Variants in FMN1 observed in about 807,000 individuals in gnomAD.
The protein encoded by FMN1 is formin 1, also known as formin-1.
A neutral mutation model predicts 132.4 loss-of-function variants in FMN1; 110 were observed. The observed-to-expected ratio is 0.83, with a 90% CI of 0.71 to 0.97. The LOEUF is 0.97. Ranked by LOEUF, FMN1 falls within the 50% of genes least tolerant of loss-of-function variation. The probability of loss-of-function intolerance (pLI) is 0.00; values close to 1 mark genes in which losing one functional copy is unlikely to be tolerated. For synonymous variants in FMN1, 722 were observed against 651.7 expected (o/e 1.11, Z -1.64); for missense variants, 1,792 against 1,705.3 (o/e 1.05, Z -0.90).
rs138638842 is a variant in FMN1 at position 32,950,783 on chromosome 15, C to A, written c.3138+13324G>T. Reference sequence around the variant, plus strand: ...TGACGAAATAATCTATGCAACAAACCCCCATGACACAACTTTATCTATGTA... The same window carrying A: ...TGACGAAATAATCTATGCAACAAACACCCATGACACAACTTTATCTATGTA... On this transcript the variant is annotated intron_variant, in intron 9 of 20. Coordinates refer to ENST00000616417, the MANE Select transcript of FMN1 (RefSeq NM_001277313.2). Among the ~76,000 whole-genome samples, 1,036 of 152,160 alleles carry A rather than the reference C, an allele frequency of 6.8e-3. 12 individuals are homozygous for A. The highest frequency in any genetic ancestry group is 0.024 in the African/African-American group (983 of 41,524).
At chr15:32,951,414 G>A (rs548578888) in intron 9 of FMN1, among the ~76,000 whole-genome samples, 7 of 133,182 alleles carry the variant, frequency 5.3e-5, no homozygotes, top group East Asian at 2.2e-4. Flanking sequence ...GCATAGCTGC[G>A]CCCCAGTGGG....
intron 3 of FMN1, among the ~76,000 whole-genome samples, chr15:33,162,983 T>C (rs1365733532): frequency 3.3e-5 from 5 of 151,966 alleles, no homozygotes; most frequent in Non-Finnish European, 5.9e-5. Flanking sequence ...TTGGTGTGGC[T>C]AATTAGCTGG....
intron 9 of FMN1, among the ~76,000 whole-genome samples, chr15:32,957,325 T>TTTTTTTTTTA (rs1555504537): frequency 7.3e-6 from 1 of 137,312 alleles, no homozygotes; most frequent in Non-Finnish European, 1.5e-5. Context: ...TTTTTTTTTT[T>TTTTTTTTTTA]ACAGGAACCA....
chr15:32,845,635 G>A (rs1170525469), intron 17 of FMN1, among the ~76,000 whole-genome samples: 1 of 152,072 alleles, frequency 6.6e-6, no homozygotes, highest in African/African-American at 2.4e-5. Flanking sequence ...TTTCTTATCT[G>A]GAAAGTTAGG....
chr15:33,019,535 G>A (rs898394908), intron 6 of FMN1, among the ~76,000 whole-genome samples: 1 of 152,188 alleles, frequency 6.6e-6, no homozygotes, highest in Non-Finnish European at 1.5e-5. Flanking sequence ...AGTAGGGGGC[G>A]GCGCTTGTCG....
chr15:32,807,578 C>T (rs1341154669), intron 17 of FMN1, among the ~76,000 whole-genome samples: 1 of 152,216 alleles, frequency 6.6e-6, no homozygotes, highest in Non-Finnish European at 1.5e-5. Flanking sequence ...TTCTAACTGG[C>T]TACTTCCAAG....
rs751884315 is a variant in FMN1 at position 33,153,257 on chromosome 15, T to A, written c.1658A>T (p.Asp553Val). The change falls in exon 4 of 21, where the codon GAC becomes GTC. Residue 553 changes from aspartate to valine, a missense_variant. Asp to Val is a radical substitution (Grantham distance 152). This residue lies in a region of FMN1 where 1,150 missense variants were observed against 1,043.1 expected (regional missense o/e 1.10). Coordinates refer to ENST00000616417, the MANE Select transcript of FMN1 (RefSeq NM_001277313.2). ...LPGEREAALN[D>V]SPCRKSRVFS... ...GACACGGCTCTTTCTACAAGGAGAGTCATTAAGAGCAGCTTCCCTCTCACC... is the reference window on the plus strand; with the variant it reads ...GACACGGCTCTTTCTACAAGGAGAGACATTAAGAGCAGCTTCCCTCTCACC... 4.4e-5 allele frequency: 67 copies of A among 1,535,036 alleles called. No homozygotes were observed. The highest frequency in any genetic ancestry group is 5.6e-5 in the Non-Finnish European group (64 of 1,146,712).
At position 33,008,275 on chromosome 15, in the gene FMN1, G is replaced by A. The variant is rs150984150; in HGVS notation, c.2162-200C>T. Among the ~76,000 whole-genome samples, 24 of 152,074 alleles carry A rather than the reference G, an allele frequency of 1.6e-4. No homozygotes were observed. The East Asian group carries it at 4.6e-3, about 29-fold the overall frequency. ...AAATTCCTTCCTTTTAGCAAACGCT[G>A]AATTACGAAAAGACACAAATTAAGC... On this transcript the variant is annotated intron_variant, in intron 6 of 20. Coordinates refer to ENST00000616417, the MANE Select transcript of FMN1 (RefSeq NM_001277313.2).
intron 16 of FMN1, among the ~76,000 whole-genome samples, chr15:32,864,042 TA>T (rs150657224): frequency 0.011 from 1,739 of 152,334 alleles, 32 homozygotes; most frequent in African/African-American, 0.039. Flanking sequence ...AAATATTAGA[TA>T]TTTTTTCATT....
At chr15:33,104,891 C>T (rs1036546305) in intron 4 of FMN1, among the ~76,000 whole-genome samples, 1 of 152,028 alleles carries the variant, frequency 6.6e-6, no homozygotes. Flanking sequence ...TTAATATTTG[C>T]ACCATCCAAA....
chr15:32,873,699 CAAAT>C (rs2059570373), intron 16 of FMN1, among the ~76,000 whole-genome samples: 1 of 152,160 alleles, frequency 6.6e-6, no homozygotes, highest in South Asian at 2.1e-4. Flanking sequence ...GCTGAAATGA[CAAAT>C]AAATAGTATC....
At chr15:32,862,057 G>T (rs545566045) in intron 16 of FMN1, among the ~76,000 whole-genome samples, 2 of 152,086 alleles carry the variant, frequency 1.3e-5, no homozygotes, top group Admixed American at 6.5e-5. Flanking sequence ...AGAGCCACGC[G>T]CCCCGGAGGC....
intron 15 of FMN1, among the ~76,000 whole-genome samples, chr15:32,897,828 GAAAAC>G (rs998541633): frequency 1.3e-5 from 2 of 151,982 alleles, no homozygotes; most frequent in African/African-American, 4.8e-5. Flanking sequence ...GGGTCGGCAG[GAAAAC>G]AAAACAAAAA....
chr15:33,122,872 C>A (rs1373095636), intron 4 of FMN1, among the ~76,000 whole-genome samples: 2 of 152,070 alleles, frequency 1.3e-5, no homozygotes, highest in African/African-American at 4.8e-5. Context: ...TATAGGCTAT[C>A]CAATCTTGAT....
At chr15:32,997,215 T>C (rs2033823296) in intron 7 of FMN1, among the ~76,000 whole-genome samples, 1 of 152,150 alleles carries the variant, frequency 6.6e-6, no homozygotes, top group Non-Finnish European at 1.5e-5. Flanking sequence ...TGCTCCTTTC[T>C]TCCGTACCTC....
intron 16 of FMN1, among the ~76,000 whole-genome samples, chr15:32,872,184 T>G (rs1454000308): frequency 6.6e-6 from 1 of 152,208 alleles, no homozygotes; most frequent in African/African-American, 2.4e-5. Context: ...GTAATATACA[T>G]TTATATAATT....
In FMN1 at chr15:32,926,208, A is replaced by G. The variant is rs769825803; in HGVS notation, c.3192T>C (p.Ser1064=). The part of the protein sequence containing the change: ...KRSQTVGILI[S]SLHLEMKDIQ... ...TATCCTTCATTTCTAAATGTAAACT[A>G]GATATCAAGATTCCCACAGTTTGAG... The change falls in exon 10 of 21, where the codon TCT becomes TCC. Residue 1064 remains serine (S), a synonymous_variant. Transcript: ENST00000616417. 5 of 1,562,634 alleles carry G rather than the reference A, an allele frequency of 3.2e-6. No homozygotes were observed. Among genetic ancestry groups the G allele is most frequent in the Non-Finnish European group, 2.6e-6 (3 of 1,151,924 alleles).
chr15:33,192,249 A>G lies in FMN1; in HGVS notation c.-197+1660T>C, dbSNP rs188610936. ...GGAGAGAAGCATTTCTCAATTTTCTATCAAGGATATTTACCATCATCACAT... is the reference window on the plus strand; with the variant it reads ...GGAGAGAAGCATTTCTCAATTTTCTGTCAAGGATATTTACCATCATCACAT... On this transcript the variant is annotated intron_variant, in intron 2 of 20. Coordinates refer to ENST00000616417, the MANE Select transcript of FMN1 (RefSeq NM_001277313.2). Among the ~76,000 whole-genome samples, 8 of 152,328 alleles carry G rather than the reference A, an allele frequency of 5.3e-5. No homozygotes were observed. The East Asian group carries it at 1.2e-3, about 22-fold the overall frequency.
chr15:33,153,947 T>C lies in FMN1; in HGVS notation c.968A>G (p.Gln323Arg), dbSNP rs962413972. ...MEKPAKRTCK[Q>R]KPVSKVVAKV... ...GGCCACCACTTTGGAGACAGGTTTC[T>C]GCTTGCAAGTCCGCTTAGCCGGCTT... The change falls in exon 4 of 21, where the codon CAG becomes CGG. Residue 323 changes from glutamine to arginine, a missense_variant. Physicochemically the swap from Gln to Arg is conservative, Grantham distance 43. Transcript: ENST00000616417. 2 of 1,536,712 alleles carry C rather than the reference T, an allele frequency of 1.3e-6. No homozygotes were observed. Among genetic ancestry groups the C allele is most frequent in the East Asian group, 2.4e-5 (1 of 40,924 alleles).
Sources: gnomAD v4.1 joint callset for allele counts (sites outside exome capture counted in the v4.1 genomes callset) on GRCh38, gnomAD v4.1.1 for gene constraint, gnomAD v4.1.1 regional missense constraint, MANE v1.5 for transcripts, NCBI Gene and HGNC (gene_info 2026-07-23, HGNC 2026-07-21) for gene names.